GRIP1: variants seen among roughly 807,000 people sequenced by gnomAD.
The protein encoded by GRIP1 is glutamate receptor interacting protein 1, also known as glutamate receptor-interacting protein 1.
A neutral mutation model predicts 129.9 loss-of-function variants in GRIP1; 45 were observed. The ratio of observed to expected loss-of-function variants is 0.35; its 90% CI spans 0.27 to 0.44. GRIP1 has a LOEUF of 0.44. GRIP1 is among the 20% of genes least tolerant of loss of function. GRIP1 has a pLI of 1.00. For missense variants in GRIP1, 1,196 were observed against 1,396.8 expected (o/e 0.86, Z 2.29); for synonymous variants, 530 against 520.8 (o/e 1.02, Z -0.24).
chr12:66,591,476 T>C (rs923652022), intron 2 of GRIP1, among the ~76,000 whole-genome samples: 2 of 151,982 alleles, frequency 1.3e-5, no homozygotes, highest in African/African-American at 4.8e-5. Flanking sequence ...TATCCCTTGG[T>C]ATTTTCCCCA....
rs1214655588 is a variant in GRIP1, at chr12:66,995,237, A to G, written c.58+73813T>C. ...ATCTACATGTAAGAGCTAAAACTATAAAACTCATGGAAGAAATTATAACAA... is the reference window on the plus strand; with the variant it reads ...ATCTACATGTAAGAGCTAAAACTATGAAACTCATGGAAGAAATTATAACAA... On this transcript the variant is annotated intron_variant, in intron 1 of 1. Transcript: ENST00000643019. Among the ~76,000 whole-genome samples the G allele has an allele frequency of 5.3e-5, 8 of 152,074 alleles. No individual in the cohort carries two copies. In the East Asian group the frequency reaches 1.5e-3, roughly 29 times the overall value.
intron 1 of GRIP1, among the ~76,000 whole-genome samples, chr12:66,619,025 AAAC>A (rs1362584171): frequency 4.6e-5 from 7 of 152,174 alleles, no homozygotes; most frequent in African/African-American, 1.4e-4. Flanking sequence ...ATAAAAGTGT[AAAC>A]AACGTTTCCT....
At chr12:66,492,327 G>C (rs2060124657) in intron 7 of GRIP1, among the ~76,000 whole-genome samples, 1 of 151,852 alleles carries the variant, frequency 6.6e-6, no homozygotes, top group Admixed American at 6.6e-5. Context: ...CGACCTCCTT[G>C]GTTTTTATAG....
intron 1 of GRIP1, among the ~76,000 whole-genome samples, chr12:66,714,852 C>G (rs549961863): frequency 3.4e-4 from 52 of 150,994 alleles, no homozygotes; most frequent in African/African-American, 1.2e-3. Flanking sequence ...CAATCCACCC[C>G]CCTACCAACT....
intron 1 of GRIP1, among the ~76,000 whole-genome samples, chr12:66,972,404 G>GAAC (rs2042087691): frequency 6.6e-6 from 1 of 152,188 alleles, no homozygotes; most frequent in African/African-American, 2.4e-5. Flanking sequence ...TCACTCTGTT[G>GAAC]AAAGTTCAAA....
intron 1 of GRIP1, among the ~76,000 whole-genome samples, chr12:66,840,047 G>C (rs1358925236): frequency 1.3e-5 from 2 of 152,164 alleles, no homozygotes; most frequent in East Asian, 3.9e-4. Context: ...CCAGGCTTTG[G>C]TCCTGCACTG....
intron 1 of GRIP1, among the ~76,000 whole-genome samples, chr12:66,701,419 T>C (rs1014042516): frequency 1.3e-5 from 2 of 152,198 alleles, no homozygotes; most frequent in African/African-American, 2.4e-5. Flanking sequence ...ACATAAATAA[T>C]GTAACTGGAA....
intron 1 of GRIP1, among the ~76,000 whole-genome samples, chr12:66,780,773 T>C (rs942054768): frequency 5.3e-5 from 8 of 152,260 alleles, no homozygotes; most frequent in Admixed American, 2.6e-4. Context: ...AAAAATGCCA[T>C]GCACTGCCGC....
At chr12:66,944,741 C>T (rs1478267448) in intron 1 of GRIP1, among the ~76,000 whole-genome samples, 1 of 152,168 alleles carries the variant, frequency 6.6e-6, no homozygotes, top group Non-Finnish European at 1.5e-5. Context: ...CCATTTCACA[C>T]CCTTTCCTCA....
intron 2 of GRIP1, among the ~76,000 whole-genome samples, chr12:66,585,608 G>A (rs933027469): frequency 6.9e-6 from 1 of 145,482 alleles, no homozygotes; most frequent in African/African-American, 2.5e-5. Context: ...AGTCCTTTGG[G>A]TATATACCCA....
intron 1 of GRIP1, among the ~76,000 whole-genome samples, chr12:66,722,345 G>A (rs2036083726): frequency 6.6e-6 from 1 of 152,138 alleles, no homozygotes; most frequent in East Asian, 1.9e-4. Context: ...CAGGGAATAG[G>A]AAGGTCCCAG....
intron 1 of GRIP1, among the ~76,000 whole-genome samples, chr12:66,783,332 C>T (rs1343181884): frequency 2.6e-5 from 4 of 152,124 alleles, no homozygotes; most frequent in Admixed American, 1.3e-4. Flanking sequence ...CCATGCCTGG[C>T]CACATTGTTT....
upstream of GRIP1, among the ~76,000 whole-genome samples, chr12:66,680,998 T>C (rs1478453102): frequency 1.3e-5 from 2 of 152,136 alleles, no homozygotes; most frequent in African/African-American, 4.8e-5. Flanking sequence ...CTCTATCCTC[T>C]GGTCCCAAGA....
chr12:66,512,990 G>C (rs972524694), intron 7 of GRIP1, among the ~76,000 whole-genome samples: 2 of 152,040 alleles, frequency 1.3e-5, no homozygotes, highest in African/African-American at 4.8e-5. Context: ...CAATCTACTG[G>C]GAAATGGTTA....
In GRIP1 at chr12:66,348,169, A is replaced by G. The variant is rs1043589565; in HGVS notation, c.*850T>C. 1 of 152,208 alleles carries G rather than the reference A, an allele frequency of 6.6e-6. No individual in the cohort carries two copies. The highest frequency in any genetic ancestry group is 2.4e-5 in the African/African-American group (1 of 41,446). The allele number at this position is 152,208 out of a possible 1,614,324, so 9.4% of individuals were successfully genotyped here. A position where few individuals can be genotyped will look rare whatever the true frequency, so the allele number is the denominator to read the frequency against. ...TACCAGTTTTCAAAACATGTCAAGC[A>G]GTATGAGTTTGGTTTGCCTATCATT... On this transcript the variant is annotated 3_prime_UTR_variant, in exon 25 of 25. Transcript: ENST00000359742.
Position 66,377,073 on chromosome 12 carries a change from G to A in GRIP1, c.2734-12C>T. On this transcript the variant is annotated splice_polypyrimidine_tract_variant and intron_variant, in intron 21 of 24. Coordinates refer to ENST00000359742, the MANE Select transcript of GRIP1 (RefSeq NM_001366722.1). ...CTGTCAGCTTTCTCCTGTGGAAAGGGTTAAAGCTTTTAAATGAACTGGTGT... is the reference window on the plus strand; with the variant it reads ...CTGTCAGCTTTCTCCTGTGGAAAGGATTAAAGCTTTTAAATGAACTGGTGT... 2 of 1,609,712 alleles carry A rather than the reference G, an allele frequency of 1.2e-6. No homozygotes were observed. The highest frequency in any genetic ancestry group is 3.3e-5 in the Admixed American group (2 of 60,022).
chr12:67,056,128 C>A lies in GRIP1; in HGVS notation c.58+12922G>T, dbSNP rs192705781. Among the ~76,000 whole-genome samples the A allele has an allele frequency of 5.9e-5, 9 of 152,322 alleles. No homozygotes were observed. In the East Asian group the frequency reaches 1.7e-3, roughly 29 times the overall value. On this transcript the variant is annotated intron_variant, in intron 1 of 1. Coordinates refer to the GRIP1 transcript ENST00000643019. The stretch of plus-strand genomic sequence containing the variant: ...GATCCAAAAAGGAGCCATACCATGT[C>A]TATTCCAGTTACTCTTGCTGTGTAA...
chr12:66,977,280 G>A (rs2042167301), intron 1 of GRIP1, among the ~76,000 whole-genome samples: 1 of 149,820 alleles, frequency 6.7e-6, no homozygotes, highest in African/African-American at 2.5e-5. Context: ...AAGTTTTAGG[G>A]TACAGGTGCA....
intron 1 of GRIP1, among the ~76,000 whole-genome samples, chr12:66,686,344 A>T (rs964300145): frequency 6.6e-6 from 1 of 152,232 alleles, no homozygotes; most frequent in Non-Finnish European, 1.5e-5. Flanking sequence ...TGCTAAAATT[A>T]AAAATTTGTC....
Sources: gnomAD v4.1 joint callset for allele counts (sites outside exome capture counted in the v4.1 genomes callset) on GRCh38, gnomAD v4.1.1 for gene constraint, MANE v1.5 for transcripts, NCBI Gene and HGNC (gene_info 2026-07-23, HGNC 2026-07-21) for gene names.